Variants in RIPOR2 observed in about 807,000 individuals in gnomAD.
RIPOR2 encodes rho family-interacting cell polarization regulator 2.
RIPOR2 carries 39 observed loss-of-function variants against 114.5 expected under a neutral mutation model. The ratio of observed to expected loss-of-function variants is 0.34; its 90% CI spans 0.26 to 0.44. The LOEUF is 0.44. Among genes scored for constraint, RIPOR2 ranks in the 20% least tolerant of loss-of-function variants. RIPOR2 has a pLI of 1.00. For synonymous variants in RIPOR2, 445 were observed against 484.4 expected (o/e 0.92, Z 1.07); for missense variants, 1,007 against 1,255.1 (o/e 0.80, Z 2.99).
At chr6:24,872,860 T>C (rs1001118788) in intron 4 of RIPOR2, 21 bp downstream of exon 4, 5 of 1,521,530 alleles carry the variant, frequency 3.3e-6, no homozygotes, top group Non-Finnish European at 4.6e-6. Flanking sequence ...GTTAACATCA[T>C]AATGACTGCA....
chr6:24,973,990 G>T (rs147467968), intron 1 of RIPOR2, among the ~76,000 whole-genome samples: 377 of 152,292 alleles, frequency 2.5e-3, no homozygotes, highest in African/African-American at 8.4e-3. Context: ...AGTAACTACT[G>T]GGTACTATGT....
chr6:24,881,452 A>C (rs887373418), intron 1 of RIPOR2, among the ~76,000 whole-genome samples: 46 of 152,252 alleles, frequency 3.0e-4, no homozygotes, highest in African/African-American at 1.0e-3. Context: ...TCCTATAACC[A>C]ATGGGAACAA....
intron 1 of RIPOR2, among the ~76,000 whole-genome samples, chr6:25,035,582 T>G (rs942029772): frequency 3.3e-5 from 5 of 152,164 alleles, no homozygotes; most frequent in African/African-American, 9.7e-5. Flanking sequence ...GCTGAAAAGC[T>G]AAATCTGCAA....
chr6:24,920,611 A>G (rs1770411255), intron 1 of RIPOR2, among the ~76,000 whole-genome samples: 1 of 152,198 alleles, frequency 6.6e-6, no homozygotes, highest in African/African-American at 2.4e-5. Flanking sequence ...TCTATTATGT[A>G]TATGCTGCTT....
chr6:24,858,733 C>T lies in RIPOR2; in HGVS notation c.715+2240G>A, dbSNP rs960725739. 6.6e-6 allele frequency among the ~76,000 whole-genome samples: 1 copy of T among 152,094 alleles called. No homozygotes were observed. Among genetic ancestry groups the T allele is most frequent in the Non-Finnish European group, 1.5e-5 (1 of 68,034 alleles). On this transcript the variant is annotated intron_variant, in intron 8 of 21. Transcript: ENST00000643898. The surrounding 1 kb of genome is among the most constrained non-coding windows in gnomAD (Gnocchi z 4.0). ...CAGGTGGACTCTCAGGAACATCAGG[C>T]AGGAGAGCAAGAACAACAGAGAGAG... is the stretch of plus-strand genomic sequence containing the variant.
intron 13 of RIPOR2, chr6:24,840,566 T>A: frequency 6.8e-7 from 1 of 1,464,998 alleles, no homozygotes; most frequent in Non-Finnish European, 9.0e-7. Flanking sequence ...CTAAATGTCC[T>A]CCATCCAGTT....
intron 1 of RIPOR2, among the ~76,000 whole-genome samples, chr6:25,032,740 AATC>A (rs940614644): frequency 2.0e-4 from 31 of 152,312 alleles, no homozygotes; most frequent in African/African-American, 5.5e-4. Flanking sequence ...TTACAATTAT[AATC>A]ATTTTTTAAT....
At chr6:24,943,881 C>G (rs413610) in intron 1 of RIPOR2, among the ~76,000 whole-genome samples, 26,377 of 152,032 alleles carry the variant, frequency 0.17, 2,453 homozygotes, top group East Asian at 0.34. Context: ...CACTCACAAG[C>G]CTTTTTATTT....
At chr6:24,955,829 A>C (rs547444072) in intron 1 of RIPOR2, among the ~76,000 whole-genome samples, 1 of 151,968 alleles carries the variant, frequency 6.6e-6, no homozygotes, top group South Asian at 2.1e-4. Flanking sequence ...ACATGATGAA[A>C]CCCTGTCTCT....
intron 1 of RIPOR2, among the ~76,000 whole-genome samples, chr6:25,036,672 T>G (rs1777269470): frequency 6.6e-6 from 1 of 152,108 alleles, no homozygotes; most frequent in African/African-American, 2.4e-5. Flanking sequence ...GAATTACAGG[T>G]GTAAGCCACC....
chr6:24,981,069 C>A (rs1407633469), intron 1 of RIPOR2, among the ~76,000 whole-genome samples: 1 of 152,140 alleles, frequency 6.6e-6, no homozygotes, highest in Admixed American at 6.5e-5. Context: ...GTTGCCACTG[C>A]TTTTGCTCTC....
intron 19 of RIPOR2, among the ~76,000 whole-genome samples, chr6:24,824,326 C>T (rs991415502): frequency 3.3e-5 from 5 of 152,096 alleles, no homozygotes; most frequent in South Asian, 2.1e-4. Context: ...ACCAAAATGG[C>T]GTTAGAGTGG....
chr6:25,039,296 C>G (rs1449541243), intron 1 of RIPOR2, among the ~76,000 whole-genome samples: 3 of 152,208 alleles, frequency 2.0e-5, no homozygotes, highest in African/African-American at 7.2e-5. Flanking sequence ...TCCACTTTCT[C>G]TGATTCGCTG....
chr6:24,886,303 C>G (rs1363801115), intron 1 of RIPOR2, among the ~76,000 whole-genome samples: 1 of 152,178 alleles, frequency 6.6e-6, no homozygotes, highest in Non-Finnish European at 1.5e-5. Context: ...CAGACATTTG[C>G]TGACATTCAC....
intron 1 of RIPOR2, among the ~76,000 whole-genome samples, chr6:24,962,634 A>G (rs1052212832): frequency 9.5e-6 from 1 of 105,372 alleles, no homozygotes; most frequent in Non-Finnish European, 2.1e-5. Flanking sequence ...AAGAAACTTC[A>G]TGGTTTTTTT....
intron 1 of RIPOR2, among the ~76,000 whole-genome samples, chr6:25,003,384 C>CATTATTATTATT (rs57985459): frequency 4.2e-5 from 6 of 143,864 alleles, no homozygotes; most frequent in African/African-American, 1.3e-4. Flanking sequence ...AGAATTAACA[C>CATTATTATTATT]ATTATTATTA....
At chr6:25,022,256 C>T (rs1776356008) in intron 1 of RIPOR2, among the ~76,000 whole-genome samples, 1 of 152,154 alleles carries the variant, frequency 6.6e-6, no homozygotes, top group Non-Finnish European at 1.5e-5. Context: ...CCCTTGGCAA[C>T]CAATGATTCG....
intron 1 of RIPOR2, among the ~76,000 whole-genome samples, chr6:25,022,380 C>T (rs916311009): frequency 8.6e-5 from 13 of 151,984 alleles, no homozygotes; most frequent in Non-Finnish European, 1.8e-4. Context: ...TGAGAATAAT[C>T]CATGTGGTTG....
intron 1 of RIPOR2, among the ~76,000 whole-genome samples, chr6:24,998,074 C>T (rs1775125633): frequency 1.3e-5 from 2 of 152,078 alleles, no homozygotes; most frequent in Non-Finnish European, 2.9e-5. Flanking sequence ...ATTCCAGGTG[C>T]AGAGAACAGC....
Sources: allele counts gnomAD v4.1 joint callset (sites outside exome capture counted in the v4.1 genomes callset), GRCh38; gene constraint gnomAD v4.1.1; non-coding constraint Gnocchi (gnomAD v3.1); transcripts MANE v1.5; gene names NCBI Gene and HGNC (gene_info 2026-07-23, HGNC 2026-07-21).